The following ZNF804B variants were observed in gnomAD, a reference collection of about 807,000 sequenced individuals.
ZNF804B encodes the protein zinc finger 804B.
A neutral mutation model predicts 101.4 loss-of-function variants in ZNF804B; 80 were observed. The ratio of observed to expected loss-of-function variants is 0.79; its 90% confidence interval spans 0.66 to 0.95. The LOEUF (loss-of-function observed/expected upper bound fraction) is 0.95. ZNF804B is among the 40% of genes least tolerant of loss of function. The probability of loss-of-function intolerance (pLI) is 0.00; values close to 1 mark genes in which losing one functional copy is unlikely to be tolerated. For missense variants in ZNF804B, 1,673 were observed against 1,561.9 expected (o/e 1.07, Z -1.20); for synonymous variants, 622 against 558.8 (o/e 1.11, Z -1.59).
intron 1 of ZNF804B, among the ~76,000 whole-genome samples, chr7:88,797,491 C>G (rs1790504345): frequency 6.6e-6 from 1 of 152,162 alleles, no homozygotes; most frequent in African/African-American, 2.4e-5. Flanking sequence ...TCACCACATC[C>G]AGAGTGACTT....
chr7:89,163,417 G>A (rs900886453), intron 1 of ZNF804B, among the ~76,000 whole-genome samples: 2 of 152,022 alleles, frequency 1.3e-5, no homozygotes, highest in African/African-American at 4.8e-5. Context: ...TTTGGTGGGG[G>A]TGAGAAGTAA....
At chr7:89,176,575 C>CTTTTTTTTTTTTTTTTTT (rs1791322565) in intron 1 of ZNF804B, among the ~76,000 whole-genome samples, 2 of 78,678 alleles carry the variant, frequency 2.5e-5, no homozygotes, top group Non-Finnish European at 2.6e-5. Flanking sequence ...TCTTTTTTTT[C>CTTTTTTTTTTTTTTTTTT]TTTCTTTCTT....
At chr7:89,144,014 A>G (rs1790753546) in intron 1 of ZNF804B, among the ~76,000 whole-genome samples, 3 of 151,984 alleles carry the variant, frequency 2.0e-5, no homozygotes, top group African/African-American at 7.2e-5. Flanking sequence ...CTCCTTTTCT[A>G]AAAAGTGTCT....
chr7:89,026,725 C>T (rs1167992743), intron 1 of ZNF804B, among the ~76,000 whole-genome samples: 1 of 152,052 alleles, frequency 6.6e-6, no homozygotes, highest in Non-Finnish European at 1.5e-5. Context: ...AATGAGTTTC[C>T]TGATGGTATC....
At chr7:89,272,666 C>G (rs1241773782) in intron 2 of ZNF804B, among the ~76,000 whole-genome samples, 1 of 151,986 alleles carries the variant, frequency 6.6e-6, no homozygotes, top group Non-Finnish European at 1.5e-5. Context: ...ATCTTTTGAG[C>G]TTTATTTGTA....
rs546815216 is a variant in ZNF804B at position 89,204,163 on chromosome 7, T to A, written c.109-13992T>A. On this transcript the variant is annotated intron_variant, in intron 1 of 3. Transcript: ENST00000333190. ...TAGTTGTCCAACGTTTTTCATTGAC[T>A]TTTCTTATATTAGAAAATGAAATGT... Among the ~76,000 whole-genome samples, 4 of 152,334 alleles carry A rather than the reference T, an allele frequency of 2.6e-5. No individual in the cohort carries two copies. In the South Asian group the frequency reaches 8.3e-4, roughly 32 times the overall value.
intron 2 of ZNF804B, among the ~76,000 whole-genome samples, chr7:89,240,411 T>C (rs190648986): frequency 6.6e-6 from 1 of 152,158 alleles, no homozygotes; most frequent in South Asian, 2.1e-4. Context: ...AAGTTTTTTT[T>C]TCTCTCTTTC....
chr7:88,981,890 C>G (rs6973767), intron 1 of ZNF804B, among the ~76,000 whole-genome samples: 124,206 of 151,884 alleles, frequency 0.82, 51,284 homozygotes, highest in African/African-American at 0.94. Flanking sequence ...GATAATGCAA[C>G]ACTGTCTTTC....
At chr7:88,930,381 T>G (rs1167036846) in intron 1 of ZNF804B, among the ~76,000 whole-genome samples, 3 of 151,922 alleles carry the variant, frequency 2.0e-5, no homozygotes, top group African/African-American at 4.8e-5. Flanking sequence ...CAGCTAAACC[T>G]CCAACAATTT....
chr7:89,236,649 T>A (rs1789286216), intron 2 of ZNF804B, among the ~76,000 whole-genome samples: 1 of 152,068 alleles, frequency 6.6e-6, no homozygotes, highest in Admixed American at 6.5e-5. Context: ...ATAGTGAGAT[T>A]TAAAATTATG....
intron 2 of ZNF804B, among the ~76,000 whole-genome samples, chr7:89,299,960 G>A (rs928602562): frequency 6.6e-6 from 1 of 151,772 alleles, no homozygotes; most frequent in Non-Finnish European, 1.5e-5. Flanking sequence ...ATCCCTAATT[G>A]CTAGATAATT....
chr7:88,810,631 C>G (rs1302844700), intron 1 of ZNF804B, among the ~76,000 whole-genome samples: 1 of 151,460 alleles, frequency 6.6e-6, no homozygotes, highest in Non-Finnish European at 1.5e-5. Flanking sequence ...TCACTGCACT[C>G]TAGCCTGGGC....
intron 1 of ZNF804B, among the ~76,000 whole-genome samples, chr7:89,148,804 AAT>A (rs936400938): frequency 2.0e-5 from 3 of 152,094 alleles, no homozygotes; most frequent in Non-Finnish European, 4.4e-5. Flanking sequence ...ACATCTGCTG[AAT>A]AGTCCCTTAT....
rs1054042792 is a variant in ZNF804B, at chr7:89,327,612, A to G, written c.380+138A>G. On this transcript the variant is annotated intron_variant, in intron 3 of 3. Coordinates refer to ENST00000333190, the MANE Select transcript of ZNF804B (RefSeq NM_181646.5). ...GTCTGAAGGGCAAATATAGTTAAAC[A>G]TACATAAATTAATAACTTTTGGCCT... 2.0e-5 allele frequency: 23 copies of G among 1,140,274 alleles called. No individual in the cohort carries two copies. In the African/African-American group the frequency reaches 2.8e-4, roughly 14 times the overall value. 70.6% of individuals were successfully genotyped at this position (1,140,274 alleles called of 1,614,324 possible).
intron 1 of ZNF804B, among the ~76,000 whole-genome samples, chr7:88,977,909 A>G (rs1024913820): frequency 6.6e-6 from 1 of 151,000 alleles, no homozygotes; most frequent in African/African-American, 2.4e-5. Context: ...TCTGTACTCC[A>G]TAGATTTTGT....
chr7:88,805,413 C>A (rs1790668800), intron 1 of ZNF804B, among the ~76,000 whole-genome samples: 1 of 152,176 alleles, frequency 6.6e-6, no homozygotes, highest in East Asian at 1.9e-4. Context: ...AGCAGATTGC[C>A]TTTAATTTAT....
At chr7:88,904,205 G>A (rs1792433630) in intron 1 of ZNF804B, among the ~76,000 whole-genome samples, 1 of 152,172 alleles carries the variant, frequency 6.6e-6, no homozygotes, top group South Asian at 2.1e-4. Flanking sequence ...TTATTCAACA[G>A]GGAGTCCTTT....
chr7:88,775,573 C>A (rs914555804), intron 1 of ZNF804B, among the ~76,000 whole-genome samples: 2 of 152,042 alleles, frequency 1.3e-5, no homozygotes, highest in Non-Finnish European at 2.9e-5. Flanking sequence ...TTATTTGGAA[C>A]AAAAATCAGA....
chr7:88,875,302 C>G (rs1367114830), intron 1 of ZNF804B, among the ~76,000 whole-genome samples: 2 of 151,380 alleles, frequency 1.3e-5, no homozygotes, highest in Non-Finnish European at 2.9e-5. Context: ...CAAGAAATAA[C>G]TAAAATCAGA....
Sources: gnomAD v4.1 joint callset for allele counts (sites outside exome capture counted in the v4.1 genomes callset) on GRCh38, gnomAD v4.1.1 for gene constraint, MANE v1.5 for transcripts, NCBI Gene and HGNC (gene_info 2026-07-23, HGNC 2026-07-21) for gene names.